Variants in TMEM144 observed in about 807,000 individuals in gnomAD.
TMEM144 encodes the protein transmembrane protein 144.
Under a neutral mutation model 43.6 loss-of-function variants are expected in TMEM144, and 39 were observed. The observed-to-expected ratio is 0.90, with a 90% CI of 0.69 to 1.17. TMEM144 has a LOEUF of 1.17. Among genes scored for constraint, TMEM144 ranks in the 50% most tolerant of loss-of-function variants. The pLI is 0.00. For missense variants in TMEM144, 417 were observed against 411.9 expected, an observed-to-expected ratio of 1.01 and a Z score of -0.11; for synonymous variants, 154 against 133.6, an observed-to-expected ratio of 1.15 and a Z score of -1.06.
At chr4:158,230,638 T>C (rs1484637004) in intron 6 of TMEM144, among the ~76,000 whole-genome samples, 3 of 151,658 alleles carry the variant, frequency 2.0e-5, no homozygotes, top group Non-Finnish European at 4.4e-5. Context: ...AATATGTGTG[T>C]GTAAATATAT....
intron 8 of TMEM144, among the ~76,000 whole-genome samples, chr4:158,237,001 C>A (rs961491891): frequency 6.6e-6 from 1 of 152,130 alleles, no homozygotes; most frequent in Admixed American, 6.5e-5. Context: ...TTAATTAAAT[C>A]AGCACTTCTT....
intron 12 of TMEM144, among the ~76,000 whole-genome samples, chr4:158,246,703 C>T (rs1047975826): frequency 2.0e-5 from 3 of 151,954 alleles, no homozygotes; most frequent in African/African-American, 7.2e-5. Flanking sequence ...TATATTTCAT[C>T]TACCTCACAA....
At chr4:158,246,670 AAT>A (rs1735906494) in intron 12 of TMEM144, among the ~76,000 whole-genome samples, 1 of 152,078 alleles carries the variant, frequency 6.6e-6, no homozygotes, top group African/African-American at 2.4e-5. Flanking sequence ...CTATGCCCAA[AAT>A]ATGTTGTAAA....
chr4:158,217,278 C>T, intron 4 of TMEM144, 43 bp from the exon 5 acceptor site: 1 of 1,335,300 alleles, frequency 7.5e-7, no homozygotes, highest in Non-Finnish European at 1.1e-6. Context: ...AATGTATTTT[C>T]TATATGGAAA....
chr4:158,231,106 C>T (rs1327819370), intron 6 of TMEM144, among the ~76,000 whole-genome samples: 2 of 152,142 alleles, frequency 1.3e-5, no homozygotes, highest in Non-Finnish European at 2.9e-5. Context: ...CAGGACCCCT[C>T]TGGAATGAGG....
intron 4 of TMEM144, 59 bp downstream of exon 4, chr4:158,215,372 G>T: frequency 6.4e-7 from 1 of 1,571,836 alleles, no homozygotes; most frequent in Non-Finnish European, 8.7e-7. Flanking sequence ...AATAATTCTC[G>T]TTCACAATAG....
chr4:158,253,317 G>C lies in TMEM144; in HGVS notation c.955-127G>C, dbSNP rs1736304550. 4 of 679,326 alleles carry C rather than the reference G, an allele frequency of 5.9e-6. No homozygotes were observed. The Admixed American group carries it at 1.2e-4, about 20-fold the overall frequency. 42.1% of individuals were successfully genotyped at this position (679,326 alleles called of 1,614,324 possible). A position where few individuals can be genotyped will look rare whatever the true frequency, so the allele number is the denominator to read the frequency against. On this transcript the variant is annotated intron_variant, in intron 12 of 12. Transcript: ENST00000296529. ...TTTGTGAGAACCTGATTACTTGGAA[G>C]GGGTAGCAAAAAAGGGTACAGGCGG...
chr4:158,215,115 C>G, intron 3 of TMEM144, 76 bp from the exon 4 acceptor site: 1 of 1,583,894 alleles, frequency 6.3e-7, no homozygotes. Flanking sequence ...CCTGTAATAT[C>G]ACCTCATAGA....
Position 158,254,700 on chromosome 4 carries a change from C to G in TMEM144, c.*1173C>G, listed in dbSNP as rs1736393763. 1 of 152,108 alleles carries G rather than the reference C, an allele frequency of 6.6e-6. No individual in the cohort carries two copies. Among genetic ancestry groups the G allele is most frequent in the African/African-American group, 2.4e-5 (1 of 41,432 alleles). The allele number at this position is 152,108 out of a possible 1,614,324, so 9.4% of individuals were successfully genotyped here. On this transcript the variant is annotated 3_prime_UTR_variant, in exon 13 of 13. Transcript: ENST00000296529. ...TCCAAAACTTTGAGATAACGAAACC[C>G]CTATTCAAATGTAAATTTTACCCAT...
chr4:158,229,371 C>G (rs1734945768), intron 6 of TMEM144, among the ~76,000 whole-genome samples: 1 of 152,144 alleles, frequency 6.6e-6, no homozygotes, highest in South Asian at 2.1e-4. Context: ...ATGCCTTCTT[C>G]TTCATCTGGG....
chr4:158,226,588 A>C (rs1734780305), intron 6 of TMEM144, among the ~76,000 whole-genome samples: 1 of 152,136 alleles, frequency 6.6e-6, no homozygotes, highest in Non-Finnish European at 1.5e-5. Flanking sequence ...TTTTATCAAA[A>C]GTATATTTTA....
intron 12 of TMEM144, among the ~76,000 whole-genome samples, chr4:158,245,949 A>T (rs1174351209): frequency 6.6e-6 from 1 of 151,994 alleles, no homozygotes; most frequent in Admixed American, 6.6e-5. Context: ...AAAAGAAAAA[A>T]AAAGAAAGAA....
chr4:158,221,411 G>T (rs1928267), intron 6 of TMEM144, among the ~76,000 whole-genome samples: 93,149 of 151,990 alleles, frequency 0.61, 32,504 homozygotes, highest in East Asian at 0.94. Flanking sequence ...GCAGAACCTA[G>T]CTGCCAATAA....
chr4:158,252,260 T>C (rs1211719963), intron 12 of TMEM144, among the ~76,000 whole-genome samples: 1 of 152,202 alleles, frequency 6.6e-6, no homozygotes, highest in East Asian at 1.9e-4. Context: ...TTCCCATCTT[T>C]AAGACCAGGC....
intron 12 of TMEM144, among the ~76,000 whole-genome samples, chr4:158,252,803 G>A (rs1219056037): frequency 2.3e-5 from 3 of 127,768 alleles, no homozygotes; most frequent in South Asian, 4.8e-4. Context: ...GGGAGACTCC[G>A]TCTCAAAAAA....
chr4:158,211,674 A>G (rs1733966051), intron 2 of TMEM144, 100 bp downstream of exon 2: 1 of 152,236 alleles, frequency 6.6e-6, no homozygotes, highest in Non-Finnish European at 1.5e-5. Flanking sequence ...AATGTGCCTC[A>G]GTGTGTCTTC....
rs1030815932 is a variant in TMEM144, at chr4:158,254,731, C to A, written c.*1204C>A. The A allele has an allele frequency of 4.6e-5, 7 of 152,154 alleles. No homozygotes were observed. The highest frequency in any genetic ancestry group is 2.6e-4 in the Admixed American group (4 of 15,272). 9.4% of individuals were successfully genotyped at this position (152,154 alleles called of 1,614,324 possible). On this transcript the variant is annotated 3_prime_UTR_variant, in exon 13 of 13. Coordinates refer to ENST00000296529, the MANE Select transcript of TMEM144 (RefSeq NM_018342.5). ...CAAATGTAAATTTTACCCATTCCCA[C>A]CTGATAGTACTGTTTATTACTTTGC... is the stretch of plus-strand genomic sequence containing the variant.
At chr4:158,229,168 C>T (rs1292283724) in intron 6 of TMEM144, among the ~76,000 whole-genome samples, 1 of 152,126 alleles carries the variant, frequency 6.6e-6, no homozygotes, top group African/African-American at 2.4e-5. Context: ...CGCCGGGCTA[C>T]CTGCCTTTAG....
intron 5 of TMEM144, among the ~76,000 whole-genome samples, chr4:158,218,907 G>A (rs946108365): frequency 9.2e-5 from 14 of 151,992 alleles, no homozygotes; most frequent in South Asian, 2.1e-4. Flanking sequence ...TGGGTGGATC[G>A]CTTGATTTCA....
Sources: allele counts gnomAD v4.1 joint callset (sites outside exome capture counted in the v4.1 genomes callset), GRCh38; gene constraint gnomAD v4.1.1; transcripts MANE v1.5; gene names NCBI Gene and HGNC (gene_info 2026-07-23, HGNC 2026-07-21).